LARP1B: variants seen among roughly 807,000 people sequenced by gnomAD.
The protein encoded by LARP1B is la-related protein 1B.
LARP1B carries 76 observed loss-of-function variants against 114.2 expected under a neutral mutation model. The observed-to-expected ratio is 0.67, with a 90% CI of 0.55 to 0.81. The LOEUF (loss-of-function observed/expected upper bound fraction) is 0.81. Among genes scored for constraint, LARP1B ranks in the 30% least tolerant of loss-of-function variants. LARP1B has a pLI of 0.00. For synonymous variants in LARP1B, 345 were observed against 348.0 expected (o/e 0.99, Z 0.10); for missense variants, 1,014 against 1,075.8 (o/e 0.94, Z 0.80).
intron 19 of LARP1B, 111 bp from the exon 20 acceptor site, chr4:128,209,742 AATT>A (rs1758626396): frequency 6.4e-6 from 5 of 784,446 alleles, no homozygotes; most frequent in Admixed American, 2.4e-5. Flanking sequence ...AAAAAAAAAA[AATT>A]ATACTGAAGT....
At chr4:128,132,696 C>T (rs1430004840) in intron 11 of LARP1B, among the ~76,000 whole-genome samples, 5 of 152,010 alleles carry the variant, frequency 3.3e-5, no homozygotes, top group Admixed American at 6.6e-5. Flanking sequence ...TGTAGAGCAG[C>T]GGTCCCCAAC....
chr4:128,068,026 G>A (rs1258400384), intron 1 of LARP1B, among the ~76,000 whole-genome samples: 1 of 151,708 alleles, frequency 6.6e-6, no homozygotes, highest in Non-Finnish European at 1.5e-5. Flanking sequence ...GACTACAGGC[G>A]CCCGCCACCT....
intron 10 of LARP1B, among the ~76,000 whole-genome samples, chr4:128,121,389 C>T: frequency 6.6e-6 from 1 of 152,212 alleles, no homozygotes; most frequent in Non-Finnish European, 1.5e-5. Context: ...GCGATCTTGG[C>T]TCACTGCAAC....
At chr4:128,220,357 G>A (rs1482720911) in exon 7 of LARP1B, 4 of 959,766 alleles carry the variant, frequency 4.2e-6, no homozygotes, top group East Asian at 1.1e-4. Flanking sequence ...TTGCATAGGA[G>A]GCTGATCCGA....
chr4:128,129,408 A>G (rs373785235), intron 11 of LARP1B, among the ~76,000 whole-genome samples: 1 of 151,812 alleles, frequency 6.6e-6, no homozygotes, highest in Non-Finnish European at 1.5e-5. Context: ...TTCATATTAT[A>G]GATAGGAAGA....
At chr4:128,181,897 C>T (rs1480181390) in intron 15 of LARP1B, among the ~76,000 whole-genome samples, 2 of 148,188 alleles carry the variant, frequency 1.3e-5, no homozygotes, top group East Asian at 4.0e-4. Flanking sequence ...GCTCTGCCTC[C>T]TGGGTTCACG....
chr4:128,122,081 C>T lies in LARP1B; in HGVS notation c.1417C>T (p.Arg473Trp), dbSNP rs757535546. 2.0e-5 allele frequency: 32 copies of T among 1,613,878 alleles called. No homozygotes were observed. The highest frequency in any genetic ancestry group is 5.5e-5 in the South Asian group (5 of 91,050). The part of the protein sequence containing the change: ...GGDRTGTHMS[R>W]AKITSELAKV... ...AGATCGAACAGGCACCCACATGTCT[C>T]GGGCAAAAATCACATCTGAACTTGC... Residue 473 changes from arginine to tryptophan, a missense_variant, in exon 11 of 20, where the codon CGG becomes TGG. By Grantham distance (101) the Arg-to-Trp change is moderately radical. Coordinates refer to ENST00000326639, the MANE Select transcript of LARP1B (RefSeq NM_018078.4).
chr4:128,181,114 A>G (rs1748193129), intron 15 of LARP1B, among the ~76,000 whole-genome samples: 1 of 151,228 alleles, frequency 6.6e-6, no homozygotes, highest in Non-Finnish European at 1.5e-5. Flanking sequence ...TGTTTAGACC[A>G]TCCACATTTA....
chr4:128,195,024 A>G (rs1410916398), intron 15 of LARP1B, among the ~76,000 whole-genome samples: 1 of 151,932 alleles, frequency 6.6e-6, no homozygotes, highest in African/African-American at 2.4e-5. Flanking sequence ...GGTTCTATTC[A>G]TTGTCTCCTG....
chr4:128,119,905 C>G (rs1787327974), intron 10 of LARP1B, among the ~76,000 whole-genome samples: 5 of 152,176 alleles, frequency 3.3e-5, no homozygotes, highest in Admixed American at 2.6e-4. Context: ...AACCCCTAAT[C>G]TCTTAATAAT....
chr4:128,108,007 A>G (rs1782686900), intron 9 of LARP1B: 1 of 1,528,154 alleles, frequency 6.5e-7, no homozygotes, highest in South Asian at 1.2e-5. Context: ...GAAAGCGATC[A>G]GACTGTCTTC....
chr4:128,164,272 A>G (rs1018615104), intron 12 of LARP1B, among the ~76,000 whole-genome samples: 1 of 152,106 alleles, frequency 6.6e-6, no homozygotes. Flanking sequence ...TAAAAACTTC[A>G]TACTTTAAAG....
chr4:128,192,163 G>C (rs948094254), intron 15 of LARP1B, among the ~76,000 whole-genome samples: 1 of 152,018 alleles, frequency 6.6e-6, no homozygotes, highest in African/African-American at 2.4e-5. Flanking sequence ...TTTAAATTAA[G>C]GTATGTACTT....
chr4:128,140,566 G>A (rs1371333438), intron 11 of LARP1B, among the ~76,000 whole-genome samples: 1 of 152,186 alleles, frequency 6.6e-6, no homozygotes, highest in Non-Finnish European at 1.5e-5. Flanking sequence ...TGGGGGCTGG[G>A]GGGAGGTGTA....
At position 128,091,370 on chromosome 4, in the gene LARP1B, T is replaced by C. The variant is rs1775868811; in HGVS notation, c.526T>C (p.Tyr176His). ...PRLNFDYSYGYQEHGERTDQP... is the reference protein window; with the variant it reads ...PRLNFDYSYGHQEHGERTDQP... ...AGTGAACTTTGATTATTCATATGGT[T>C]ATCAAGAACATGGTGAAAGGACTGA... The change falls in exon 7 of 20, where the codon TAT becomes CAT. Residue 176 changes from tyrosine (Y) to histidine (H), a missense_variant. Transcript: ENST00000326639. 1.2e-6 allele frequency: 2 copies of C among 1,611,564 alleles called. No individual in the cohort carries two copies. The highest frequency in any genetic ancestry group is 2.2e-5 in the South Asian group (2 of 90,392).
At chr4:128,148,573 A>G (rs1259525139) in intron 11 of LARP1B, among the ~76,000 whole-genome samples, 1 of 152,112 alleles carries the variant, frequency 6.6e-6, no homozygotes, top group Non-Finnish European at 1.5e-5. Context: ...CTTCCTGTCC[A>G]TAGTCATCTT....
chr4:128,069,396 C>A (rs751082653), intron 1 of LARP1B: 3 of 763,096 alleles, frequency 3.9e-6, no homozygotes, highest in Non-Finnish European at 7.2e-6. Context: ...ATAAGTTGCA[C>A]CCTTAGGAAC....
intron 17 of LARP1B, among the ~76,000 whole-genome samples, chr4:128,202,528 G>A (rs1384243195): frequency 1.3e-5 from 2 of 152,146 alleles, no homozygotes; most frequent in Admixed American, 6.5e-5. Flanking sequence ...TCATGGTATT[G>A]GACCTAGTCA....
chr4:128,164,630 G>A (rs1258550138), intron 12 of LARP1B, among the ~76,000 whole-genome samples: 2 of 152,080 alleles, frequency 1.3e-5, no homozygotes, highest in Admixed American at 6.6e-5. Context: ...TAAAACCATA[G>A]CAATACGCCA....
Sources: allele counts gnomAD v4.1 joint callset (sites outside exome capture counted in the v4.1 genomes callset), GRCh38; gene constraint gnomAD v4.1.1; transcripts MANE v1.5; gene names NCBI Gene and HGNC (gene_info 2026-07-23, HGNC 2026-07-21).